Variants in AFM observed in about 807,000 individuals in gnomAD.
AFM encodes alpha-Alb.
AFM carries 82 observed loss-of-function variants against 68.7 expected under a neutral mutation model. The observed-to-expected ratio is 1.19, with a 90% CI of 1.00 to 1.43. The LOEUF (loss-of-function observed/expected upper bound fraction) is 1.43. AFM is among the 40% of genes most tolerant of loss of function. The probability of loss-of-function intolerance (pLI) is 0.00; values close to 1 mark genes in which losing one functional copy is unlikely to be tolerated. For missense variants in AFM, 772 were observed against 701.8 expected, an observed-to-expected ratio of 1.10 and a Z score of -1.13; for synonymous variants, 250 against 234.2, an observed-to-expected ratio of 1.07 and a Z score of -0.61.
At chr4:73,485,298 G>C (rs1016145223) in intron 3 of AFM, among the ~76,000 whole-genome samples, 1 of 152,166 alleles carries the variant, frequency 6.6e-6, no homozygotes, top group African/African-American at 2.4e-5. Flanking sequence ...AAAGCCTGGT[G>C]GAAGGGAAAT....
intron 10 of AFM, among the ~76,000 whole-genome samples, chr4:73,498,489 G>A (rs1721321134): frequency 6.6e-6 from 1 of 152,136 alleles, no homozygotes; most frequent in Non-Finnish European, 1.5e-5. Context: ...GTTTTGCCAT[G>A]TTGCACAGGC....
At chr4:73,499,337 T>C in intron 11 of AFM, 91 bp downstream of exon 11, 2 of 1,220,894 alleles carry the variant, frequency 1.6e-6, no homozygotes, top group Non-Finnish European at 2.1e-6. Context: ...ATTATCCATA[T>C]TCCTTTCTTC....
At chr4:73,493,805 A>G (rs1033488671) in intron 8 of AFM, among the ~76,000 whole-genome samples, 1 of 152,230 alleles carries the variant, frequency 6.6e-6, no homozygotes, top group South Asian at 2.1e-4. Context: ...ATTAAACAAA[A>G]TGATAGATTG....
chr4:73,489,678 G>A (rs1006438598), intron 7 of AFM, among the ~76,000 whole-genome samples: 4 of 152,166 alleles, frequency 2.6e-5, no homozygotes, highest in Admixed American at 6.5e-5. Context: ...TCTTTAAAGT[G>A]ATTTTCCAAG....
rs938010965 is a variant in AFM at position 73,501,796 on chromosome 4, C to A, written c.1656C>A (p.Val552=). The A allele has an allele frequency of 6.2e-7, 1 of 1,611,962 alleles. No homozygotes were observed. Among genetic ancestry groups the A allele is most frequent in the African/African-American group, 1.3e-5 (1 of 74,896 alleles). Residue 552 remains valine (V), a synonymous_variant, in exon 13 of 15, where the codon GTC becomes GTA. Coordinates refer to ENST00000226355, the MANE Select transcript of AFM (RefSeq NM_001133.2). ...ELQRKTDRFL[V]NLVKLKHELT... Reference sequence around the variant, plus strand: ...CATCTTTTGGCCACAGGTTTCTTGTCAACTTAGTGAAGCTGAAGCATGAAC... The same window carrying A: ...CATCTTTTGGCCACAGGTTTCTTGTAAACTTAGTGAAGCTGAAGCATGAAC...
intron 5 of AFM, 58 bp from the exon 6 acceptor site, chr4:73,487,666 A>G (rs6851809): frequency 0.024 from 27,991 of 1,183,942 alleles, 400 homozygotes; most frequent in South Asian, 0.037. Flanking sequence ...TGACTAAAAA[A>G]TAAGAGAATA....
intron 7 of AFM, among the ~76,000 whole-genome samples, chr4:73,489,732 C>A (rs955089512): frequency 7.2e-5 from 11 of 152,140 alleles, no homozygotes; most frequent in Non-Finnish European, 1.5e-4. Flanking sequence ...TTGAATTGTT[C>A]ATGCATTCTG....
At chr4:73,492,795 A>G (rs545851206) in intron 8 of AFM, among the ~76,000 whole-genome samples, 2 of 146,360 alleles carry the variant, frequency 1.4e-5, no homozygotes, top group South Asian at 4.2e-4. Context: ...ACTGTCTCAA[A>G]AAAAAAAAAA....
At chr4:73,492,163 G>C in intron 8 of AFM, 77 bp downstream of exon 8, 1 of 1,325,886 alleles carries the variant, frequency 7.5e-7, no homozygotes, top group Non-Finnish European at 1.1e-6. Flanking sequence ...GCTAATTTAG[G>C]TGGAAGGACA....
intron 8 of AFM, among the ~76,000 whole-genome samples, chr4:73,494,407 T>A (rs1399425044): frequency 6.6e-6 from 1 of 152,112 alleles, no homozygotes; most frequent in Non-Finnish European, 1.5e-5. Flanking sequence ...CTTTTTTTTA[T>A]GAAGACTGTA....
rs1720987146 is a variant in AFM at position 73,488,773 on chromosome 4, A to G, written c.843+14A>G. 6.3e-7 allele frequency: 1 copy of G among 1,597,542 alleles called. No homozygotes were observed. The highest frequency in any genetic ancestry group is 8.5e-7 in the Non-Finnish European group (1 of 1,175,110). ...ATCCGTGACACGGTGAATATTCTCTAAAACCAAGTTAAAATAGTGATTTTT... is the reference window on the plus strand; with the variant it reads ...ATCCGTGACACGGTGAATATTCTCTGAAACCAAGTTAAAATAGTGATTTTT... On this transcript the variant is annotated intron_variant, in intron 7 of 14. Transcript: ENST00000226355.
At chr4:73,491,284 C>T (rs1199082232) in intron 7 of AFM, among the ~76,000 whole-genome samples, 1 of 152,138 alleles carries the variant, frequency 6.6e-6, no homozygotes, top group Non-Finnish European at 1.5e-5. Context: ...ATTTGCTAAC[C>T]TGAACAGCTT....
intron 3 of AFM, among the ~76,000 whole-genome samples, chr4:73,485,053 C>T (rs934670082): frequency 1.3e-5 from 2 of 152,090 alleles, no homozygotes; most frequent in African/African-American, 4.8e-5. Context: ...ATACAGTATG[C>T]CCTATATGTT....
chr4:73,501,940 C>G (rs772303345), intron 13 of AFM, 21 bp downstream of exon 13: 1 of 1,607,638 alleles, frequency 6.2e-7, no homozygotes, highest in Non-Finnish European at 8.5e-7. Context: ...TTCTTTTCTA[C>G]TGAAATTCAA....
In AFM at chr4:73,495,295, T is replaced by A; in HGVS notation, c.1059-5T>A. 1.9e-6 allele frequency: 3 copies of A among 1,573,338 alleles called. No homozygotes were observed. Among genetic ancestry groups the A allele is most frequent in the Non-Finnish European group, 1.7e-6 (2 of 1,167,864 alleles). ...TTCTAATATACAAAATTTTACACAT[T>A]GCAGGTTTACTTTTGAATACTCAAG... On this transcript the variant is annotated splice_polypyrimidine_tract_variant and splice_region_variant and intron_variant, in intron 8 of 14. Transcript: ENST00000226355.
chr4:73,489,488 C>T (rs1721007369), intron 7 of AFM, among the ~76,000 whole-genome samples: 2 of 151,710 alleles, frequency 1.3e-5, no homozygotes, highest in Non-Finnish European at 2.9e-5. Context: ...ACCTCACATA[C>T]TTATTTTTTT....
In AFM at chr4:73,494,846, G is replaced by A. The variant is rs368099712; in HGVS notation, c.1059-454G>A. Among the ~76,000 whole-genome samples, 3 of 152,338 alleles carry A rather than the reference G, an allele frequency of 2.0e-5. No individual in the cohort carries two copies. In the East Asian group the frequency reaches 5.8e-4, roughly 29 times the overall value. On this transcript the variant is annotated intron_variant, in intron 8 of 14. Coordinates refer to ENST00000226355, the MANE Select transcript of AFM (RefSeq NM_001133.2). Reference sequence around the variant, plus strand: ...ACACTCCCATAGTTGGCAAGTGACAGGATGTAGTAATGGGCAAAGCTTGCT... The same window carrying A: ...ACACTCCCATAGTTGGCAAGTGACAAGATGTAGTAATGGGCAAAGCTTGCT...
In AFM at chr4:73,499,149, T is replaced by C; in HGVS notation, c.1325T>C (p.Leu442Pro). The C allele has an allele frequency of 6.2e-7, 1 of 1,613,386 alleles. No individual in the cohort carries two copies. Among genetic ancestry groups the C allele is most frequent in the Non-Finnish European group, 8.5e-7 (1 of 1,179,606 alleles). Residue 442 changes from leucine (L) to proline (P), a missense_variant, in exon 11 of 15, where the codon CTC becomes CCC. Transcript: ENST00000226355. The part of the protein sequence containing the change: ...LIRLTKIAPQ[L>P]STEELVSLGE... ...AGGCTCACGAAGATAGCTCCCCAAC[T>C]CTCCACTGAAGAACTGGTGTCTCTT...
intron 6 of AFM, 42 bp from the exon 7 acceptor site, chr4:73,488,588 G>T: frequency 6.4e-7 from 1 of 1,570,058 alleles, no homozygotes; most frequent in Non-Finnish European, 8.7e-7. Flanking sequence ...TGTTCTACTT[G>T]CTGTTCAAAT....
Sources: allele counts gnomAD v4.1 joint callset (sites outside exome capture counted in the v4.1 genomes callset), GRCh38; gene constraint gnomAD v4.1.1; transcripts MANE v1.5; gene names NCBI Gene and HGNC (gene_info 2026-07-23, HGNC 2026-07-21).